Variants in TMTC3 observed in about 807,000 individuals in gnomAD.
TMTC3 encodes the protein transmembrane O-mannosyltransferase targeting cadherins 3, also known as protein O-mannosyl-transferase TMTC3.
TMTC3 carries 52 observed loss-of-function variants against 92.2 expected under a neutral mutation model. That is an observed-to-expected ratio of 0.56 (90% CI 0.45 to 0.71). TMTC3 has a LOEUF of 0.71. Among genes scored for constraint, TMTC3 ranks in the 30% least tolerant of loss-of-function variants. The probability of loss-of-function intolerance (pLI) is 0.00; values close to 1 mark genes in which losing one functional copy is unlikely to be tolerated. For missense variants in TMTC3, 896 were observed against 1,057.1 expected (o/e 0.85, Z 2.11); for synonymous variants, 339 against 363.3 (o/e 0.93, Z 0.76).
rs2041536501 is a variant in TMTC3, at chr12:88,198,121, C to T, written c.*2472C>T. On this transcript the variant is annotated 3_prime_UTR_variant, in exon 14 of 14. Coordinates refer to ENST00000266712, the MANE Select transcript of TMTC3 (RefSeq NM_181783.4). ...GAGTTTAAGTTCCATCAAACTAGCC[C>T]TTGTGTAAGATTATTATTTCTTCTC... 2.6e-6 allele frequency: 1 copy of T among 389,008 alleles called. No homozygotes were observed. Among genetic ancestry groups the T allele is most frequent in the Non-Finnish European group, 4.5e-6 (1 of 220,176 alleles). 24.1% of individuals were successfully genotyped at this position (389,008 alleles called of 1,614,324 possible).
At chr12:88,144,594 A>G (rs982977860) in intron 1 of TMTC3, among the ~76,000 whole-genome samples, 3 of 152,208 alleles carry the variant, frequency 2.0e-5, no homozygotes, top group Non-Finnish European at 4.4e-5. Context: ...ATAGAAGTTA[A>G]GTAATAATTG....
chr12:88,189,392 G>A (rs757693762), intron 11 of TMTC3, among the ~76,000 whole-genome samples: 5 of 152,004 alleles, frequency 3.3e-5, no homozygotes, highest in East Asian at 1.9e-4. Flanking sequence ...GCGCCCGGCC[G>A]TAGCTCACTT....
intron 11 of TMTC3, among the ~76,000 whole-genome samples, chr12:88,189,579 A>G (rs2041420233): frequency 6.6e-6 from 1 of 152,152 alleles, no homozygotes. Flanking sequence ...AAAGTGATAA[A>G]ATTAGTAGAT....
intron 2 of TMTC3, among the ~76,000 whole-genome samples, chr12:88,151,552 A>AT (rs1205471260): frequency 6.6e-6 from 1 of 152,186 alleles, no homozygotes; most frequent in East Asian, 1.9e-4. Flanking sequence ...GGAATCTGAA[A>AT]TAGATCCCTA....
chr12:88,174,463 G>T, intron 8 of TMTC3, 144 bp from the exon 9 acceptor site: 1 of 903,868 alleles, frequency 1.1e-6, no homozygotes, highest in Non-Finnish European at 1.6e-6. Context: ...CTCTAAAGTT[G>T]GGTGTTCATT....
intron 10 of TMTC3, among the ~76,000 whole-genome samples, chr12:88,186,397 A>G (rs529319857): frequency 1.3e-5 from 2 of 152,278 alleles, no homozygotes; most frequent in African/African-American, 4.8e-5. Flanking sequence ...TGAAAATATG[A>G]TATTAGAGAT....
intron 4 of TMTC3, among the ~76,000 whole-genome samples, chr12:88,157,770 G>A (rs1421953939): frequency 2.0e-5 from 3 of 152,114 alleles, no homozygotes; most frequent in Non-Finnish European, 4.4e-5. Context: ...TTTACCAGGT[G>A]TACTTGTTTT....
chr12:88,195,018 T>A lies in TMTC3; in HGVS notation c.2114T>A (p.Leu705Ter). 6.2e-7 allele frequency: 1 copy of A among 1,613,892 alleles called. No homozygotes were observed. The highest frequency in any genetic ancestry group is 8.5e-7 in the Non-Finnish European group (1 of 1,179,912). ...TTACAAGCCGACTTCCGAAGTGCTT[T>A]GTTTAATCTGGCTCTCCTGTATTCC... Reference protein sequence around the residue: ...IKLQADFRSALFNLALLYSQT... With the variant: ...IKLQADFRSA The change falls in exon 14 of 14, where the codon TTG becomes TAG. Residue 705 changes from leucine (L) to a stop codon, truncating the protein, a stop_gained. Transcript: ENST00000266712. LOFTEE classifies it high-confidence loss of function.
chr12:88,153,736 T>C (rs866855130), intron 3 of TMTC3, among the ~76,000 whole-genome samples: 1 of 152,044 alleles, frequency 6.6e-6, no homozygotes, highest in African/African-American at 2.4e-5. Flanking sequence ...AACATAAACA[T>C]TTTTCATTCA....
chr12:88,183,190 T>A (rs1248921842), intron 10 of TMTC3, among the ~76,000 whole-genome samples: 1 of 152,144 alleles, frequency 6.6e-6, no homozygotes, highest in Non-Finnish European at 1.5e-5. Flanking sequence ...GCTACTGTTC[T>A]ACCCAAATAG....
chr12:88,172,955 T>G (rs1565951732), intron 8 of TMTC3: 2 of 1,457,300 alleles, frequency 1.4e-6, no homozygotes, highest in South Asian at 2.4e-5. Context: ...TTATGTAATT[T>G]GATTTTACAG....
intron 2 of TMTC3, 37 bp downstream of exon 2, chr12:88,148,541 A>G: frequency 7.1e-7 from 1 of 1,409,524 alleles, no homozygotes; most frequent in Non-Finnish European, 9.7e-7. Flanking sequence ...TACATGTCTC[A>G]GATTTTGAAA....
intron 1 of TMTC3, among the ~76,000 whole-genome samples, chr12:88,143,471 AC>A (rs2040811559): frequency 6.6e-6 from 1 of 152,198 alleles, no homozygotes; most frequent in Admixed American, 6.5e-5. Flanking sequence ...GAGTTAAGAA[AC>A]TGAGGCTTGG....
chr12:88,152,250 A>G (rs1191185606), intron 2 of TMTC3, among the ~76,000 whole-genome samples: 3 of 152,186 alleles, frequency 2.0e-5, no homozygotes, highest in Non-Finnish European at 4.4e-5. Context: ...TACTACCTGT[A>G]GAAGGTGAAG....
At chr12:88,190,677 T>A in intron 12 of TMTC3, 55 bp downstream of exon 12, 1 of 1,516,326 alleles carries the variant, frequency 6.6e-7, no homozygotes, top group Non-Finnish European at 8.9e-7. Flanking sequence ...TGCATCTCCA[T>A]GTACATTTTG....
chr12:88,148,949 G>C (rs1296099330), intron 2 of TMTC3, among the ~76,000 whole-genome samples: 2 of 152,032 alleles, frequency 1.3e-5, no homozygotes, highest in African/African-American at 4.8e-5. Context: ...ATACATGCCT[G>C]TTTCTTGCTA....
In TMTC3 at chr12:88,197,616, A is replaced by G. The variant is rs2041529867; in HGVS notation, c.*1967A>G. The stretch of plus-strand genomic sequence containing the variant: ...TTGAGTAATATTTTAATAAATTTAT[A>G]TAATTCAAATGATAAAAATGTATCA... On this transcript the variant is annotated 3_prime_UTR_variant, in exon 14 of 14. Transcript: ENST00000266712. 1 of 151,976 alleles carries G rather than the reference A, an allele frequency of 6.6e-6. No homozygotes were observed. The highest frequency in any genetic ancestry group is 1.9e-4 in the East Asian group (1 of 5,204). 9.4% of individuals were successfully genotyped at this position (151,976 alleles called of 1,614,324 possible). A position where few individuals can be genotyped will look rare whatever the true frequency, so the allele number is the denominator to read the frequency against.
chr12:88,180,203 A>C (rs2041301699), intron 10 of TMTC3, among the ~76,000 whole-genome samples: 2 of 152,182 alleles, frequency 1.3e-5, no homozygotes, highest in Non-Finnish European at 2.9e-5. Flanking sequence ...GAATTAGTAA[A>C]TAACATAAGA....
chr12:88,171,501 C>T (rs998916191), intron 7 of TMTC3, among the ~76,000 whole-genome samples: 9 of 152,016 alleles, frequency 5.9e-5, no homozygotes, highest in Non-Finnish European at 8.8e-5. Context: ...TGGTGTCCTC[C>T]GGGTTTATCC....
Sources: allele counts gnomAD v4.1 joint callset (sites outside exome capture counted in the v4.1 genomes callset), GRCh38; gene constraint gnomAD v4.1.1; transcripts MANE v1.5; gene names NCBI Gene and HGNC (gene_info 2026-07-23, HGNC 2026-07-21).